Variants in BEND4 observed in about 807,000 individuals in gnomAD.
BEND4 encodes BEN domain-containing protein 4.
In BEND4, 27 loss-of-function variants were observed where a neutral mutation model predicts 54.7. The ratio of observed to expected loss-of-function variants is 0.49; its 90% CI spans 0.36 to 0.68. BEND4 has a LOEUF of 0.68. Ranked by LOEUF, BEND4 falls within the 30% of genes least tolerant of loss-of-function variation. BEND4 has a pLI of 0.00. For synonymous variants in BEND4, 327 were observed against 299.5 expected (o/e 1.09, Z -0.95); for missense variants, 702 against 697.2 (o/e 1.01, Z -0.08).
rs779113402 is a variant in BEND4 at position 42,143,412 on chromosome 4, G to T, written c.1054+16C>A. The T allele has an allele frequency of 1.3e-6, 2 of 1,545,148 alleles. No homozygotes were observed. The highest frequency in any genetic ancestry group is 1.4e-5 in the African/African-American group (1 of 72,922). ...AGAAGGGTTGCAGTTGTCTTGCAAGGAATATGGCAGGATACCTGGGATGCT... is the reference window on the plus strand; with the variant it reads ...AGAAGGGTTGCAGTTGTCTTGCAAGTAATATGGCAGGATACCTGGGATGCT... On this transcript the variant is annotated intron_variant, in intron 3 of 5. Transcript: ENST00000502486.
chr4:42,149,712 G>A (rs1721193987), intron 2 of BEND4, among the ~76,000 whole-genome samples: 1 of 151,512 alleles, frequency 6.6e-6, no homozygotes. Context: ...TTTAGAACAA[G>A]GTGAGAAAAG....
intron 3 of BEND4, among the ~76,000 whole-genome samples, chr4:42,131,744 G>A (rs1720515021): frequency 6.6e-6 from 1 of 152,188 alleles, no homozygotes; most frequent in Non-Finnish European, 1.5e-5. Flanking sequence ...CTGGGCACAG[G>A]CTAAGGACCA....
chr4:42,128,851 G>A (rs1720399396), intron 3 of BEND4, among the ~76,000 whole-genome samples: 1 of 151,852 alleles, frequency 6.6e-6, no homozygotes, highest in Non-Finnish European at 1.5e-5. Context: ...CAGGAAAACG[G>A]CGTGAACTCG....
At chr4:42,138,764 T>C (rs542717886) in intron 3 of BEND4, among the ~76,000 whole-genome samples, 18 of 152,318 alleles carry the variant, frequency 1.2e-4, no homozygotes, top group South Asian at 2.1e-4. Flanking sequence ...TTAGAAAATT[T>C]CAAGGTATTT....
At chr4:42,143,012 A>G (rs1560583191) in intron 3 of BEND4, among the ~76,000 whole-genome samples, 1 of 152,264 alleles carries the variant, frequency 6.6e-6, no homozygotes, top group South Asian at 2.1e-4. Flanking sequence ...GCATAGGATC[A>G]AAGTTTTTAA....
chr4:42,127,921 G>T (rs148678500), intron 3 of BEND4, among the ~76,000 whole-genome samples: 1,691 of 152,090 alleles, frequency 0.011, 16 homozygotes, highest in Middle Eastern at 0.038. Context: ...CCCAAAATTT[G>T]AGAGGCAAAG....
chr4:42,143,621 C>T lies in BEND4; in HGVS notation c.861G>A (p.Val287=), dbSNP rs1168663062. ...ADVDPLSTSP[V]HTLGGWTSPA... is the part of the protein sequence containing the mutation. ...GGGAAGTCCAGCCACCTAATGTATG[C>T]ACAGGAGAGGTTGACAGAGGATCCA... Residue 287 remains valine (V), a synonymous_variant, in exon 3 of 6, where the codon GTG becomes GTA. Transcript: ENST00000502486. The T allele has an allele frequency of 6.2e-7, 1 of 1,610,252 alleles. No homozygotes were observed. Among genetic ancestry groups the T allele is most frequent in the East Asian group, 2.2e-5 (1 of 44,814 alleles).
intron 2 of BEND4, among the ~76,000 whole-genome samples, chr4:42,148,770 G>T (rs1280604874): frequency 1.3e-5 from 2 of 152,122 alleles, no homozygotes; most frequent in Non-Finnish European, 2.9e-5. Flanking sequence ...ATTCATTTTT[G>T]ATTGTACTCT....
intron 2 of BEND4, among the ~76,000 whole-genome samples, chr4:42,150,821 G>A (rs1170738097): frequency 1.3e-5 from 2 of 152,242 alleles, no homozygotes; most frequent in South Asian, 2.1e-4. Context: ...CCCACGAGGC[G>A]TTTCTGTAAG....
At chr4:42,134,731 T>TA (rs1238495838) in intron 3 of BEND4, among the ~76,000 whole-genome samples, 1 of 152,226 alleles carries the variant, frequency 6.6e-6, no homozygotes, top group Non-Finnish European at 1.5e-5. Context: ...AAGCATTTGT[T>TA]ACAGTGTCAC....
chr4:42,136,953 G>A (rs1022464891), intron 3 of BEND4, among the ~76,000 whole-genome samples: 1 of 152,210 alleles, frequency 6.6e-6, no homozygotes, highest in Non-Finnish European at 1.5e-5. Context: ...TAGGAACCTA[G>A]CTCTGTATTT....
At chr4:42,123,445 T>G (rs1204287807) in intron 4 of BEND4, among the ~76,000 whole-genome samples, 1 of 151,912 alleles carries the variant, frequency 6.6e-6, no homozygotes, top group Non-Finnish European at 1.5e-5. Flanking sequence ...ATGGGTTACT[T>G]AAGAGTCATC....
intron 4 of BEND4, among the ~76,000 whole-genome samples, chr4:42,123,490 A>C (rs1164427814): frequency 6.6e-6 from 1 of 151,976 alleles, no homozygotes; most frequent in Non-Finnish European, 1.5e-5. Context: ...ATTTACTATT[A>C]AGCAAGGAAA....
At chr4:42,136,811 T>C (rs750244059) in intron 3 of BEND4, among the ~76,000 whole-genome samples, 25 of 152,224 alleles carry the variant, frequency 1.6e-4, no homozygotes, top group Non-Finnish European at 3.2e-4. Context: ...TAGATACGCC[T>C]CATTCGGGCA....
intron 2 of BEND4, 34 bp downstream of exon 2, chr4:42,151,623 T>A (rs1721287456): frequency 7.0e-7 from 1 of 1,427,562 alleles, no homozygotes; most frequent in East Asian, 3.1e-5. Context: ...CCCCCGGCCG[T>A]GGCGGGAAGG....
intron 3 of BEND4, among the ~76,000 whole-genome samples, chr4:42,138,367 T>C (rs551301921): frequency 1.3e-5 from 2 of 152,156 alleles, no homozygotes; most frequent in South Asian, 4.1e-4. Context: ...GAACCTAAAA[T>C]AAATTCAAAT....
In BEND4 at chr4:42,128,497, G is replaced by A. The variant is rs188698143; in HGVS notation, c.1055-2823C>T. Among the ~76,000 whole-genome samples the A allele has an allele frequency of 5.1e-3, 774 of 152,084 alleles. 4 individuals carry two copies. Among genetic ancestry groups the A allele is most frequent in the Non-Finnish European group, 6.1e-3 (415 of 68,000 alleles). On this transcript the variant is annotated intron_variant, in intron 3 of 5. Transcript: ENST00000502486. ...AAATTAGCCGGGTGTGGTGGTGGGC[G>A]CCTGTAATCCCAGCTACTCAGGAGG...
At chr4:42,148,290 C>A (rs901649293) in intron 2 of BEND4, among the ~76,000 whole-genome samples, 1 of 152,012 alleles carries the variant, frequency 6.6e-6, no homozygotes, top group African/African-American at 2.4e-5. Flanking sequence ...TGGCAAACAT[C>A]AACACAGCAA....
Position 42,143,824 on chromosome 4 carries a change from C to CTT in BEND4, c.656_657dup (p.Gly220LysfsTer11). The CTT allele has an allele frequency of 6.3e-7, 1 of 1,585,628 alleles. No homozygotes were observed. The highest frequency in any genetic ancestry group is 8.6e-7 in the Non-Finnish European group (1 of 1,166,980). ...TTGTCTGAGGTCTGACTGTGGACCC[C>CTT]TTTCCCAATGTGACAGTGCTCCTGT... On this transcript the variant is annotated frameshift_variant, in exon 3 of 6. Coordinates refer to ENST00000502486, the MANE Select transcript of BEND4 (RefSeq NM_207406.4). LOFTEE classifies it high-confidence loss of function.
Sources: allele counts gnomAD v4.1 joint callset (sites outside exome capture counted in the v4.1 genomes callset), GRCh38; gene constraint gnomAD v4.1.1; transcripts MANE v1.5; gene names NCBI Gene and HGNC (gene_info 2026-07-23, HGNC 2026-07-21).